Variants in PLEKHD1 observed in about 807,000 individuals in gnomAD.
The protein encoded by PLEKHD1 is pleckstrin homology domain-containing family D member 1.
In PLEKHD1, 51 loss-of-function variants were observed where a neutral mutation model predicts 69.2. That is an observed-to-expected ratio of 0.74 (90% CI 0.59 to 0.93). The LOEUF is 0.93. PLEKHD1 is among the 40% of genes least tolerant of loss of function. The probability of loss-of-function intolerance (pLI) is 0.00; values close to 1 mark genes in which losing one functional copy is unlikely to be tolerated. For synonymous variants in PLEKHD1, 236 were observed against 244.7 expected (o/e 0.96, Z 0.33); for missense variants, 584 against 641.0 (o/e 0.91, Z 0.96).
In PLEKHD1 at chr14:69,528,492, C is replaced by T; in HGVS notation, c.*73C>T. The T allele has an allele frequency of 3.4e-6, 5 of 1,489,454 alleles. No individual in the cohort carries two copies. Among genetic ancestry groups the T allele is most frequent in the Non-Finnish European group, 4.5e-6 (5 of 1,114,436 alleles). 92.3% of individuals were successfully genotyped at this position (1,489,454 alleles called of 1,614,324 possible). A position where few individuals can be genotyped will look rare whatever the true frequency, so the allele number is the denominator to read the frequency against. ...AGGGGAAGGGGTGGCAGAGGGAGGC[C>T]TCACTCTACCAGCTCCTGGCCTCTC... is the stretch of plus-strand genomic sequence containing the variant. On this transcript the variant is annotated 3_prime_UTR_variant, in exon 13 of 13. Coordinates refer to ENST00000322564, the MANE Select transcript of PLEKHD1 (RefSeq NM_001161498.2).
At chr14:69,478,214 C>T in the PLEKHD1 span, among the ~76,000 whole-genome samples, 16 of 152,356 alleles carry the variant, frequency 1.1e-4, no homozygotes, top group African/African-American at 3.8e-4. Context: ...CCCTTTCAGC[C>T]CTGGCTGGAG....
Position 69,528,302 on chromosome 14 carries a change from G to A in PLEKHD1, c.1404G>A (p.Glu468=). Residue 468 remains glutamate, a synonymous_variant, in exon 13 of 13, where the codon GAG becomes GAA. Coordinates refer to ENST00000322564, the MANE Select transcript of PLEKHD1 (RefSeq NM_001161498.2). ...MTSQLDANNM[E]ELKEVAKRLS... ...CCCAGCTGGATGCCAACAACATGGA[G>A]GAGCTAAAGGAGGTGGCCAAGCGGC... 1 of 1,551,760 alleles carries A rather than the reference G, an allele frequency of 6.4e-7. No homozygotes were observed. The highest frequency in any genetic ancestry group is 8.7e-7 in the Non-Finnish European group (1 of 1,147,006).
chr14:69,513,053 A>G (rs114149776), intron 6 of PLEKHD1, among the ~76,000 whole-genome samples: 3,121 of 151,898 alleles, frequency 0.021, 108 homozygotes, highest in African/African-American at 0.071. Context: ...ACTGCACTTC[A>G]GCCTGGATGA....
Position 69,527,396 on chromosome 14 carries a change from C to T in PLEKHD1, c.1201+64C>T, listed in dbSNP as rs184884473. ...ACTCAGCCCCAGATGGGATCCCGGCCCTGTAGAGCCAGGAAACCCACACAG... is the reference window on the plus strand; with the variant it reads ...ACTCAGCCCCAGATGGGATCCCGGCTCTGTAGAGCCAGGAAACCCACACAG... On this transcript the variant is annotated intron_variant, in intron 11 of 12. Coordinates refer to ENST00000322564, the MANE Select transcript of PLEKHD1 (RefSeq NM_001161498.2). The T allele has an allele frequency of 8.0e-5, 124 of 1,544,258 alleles. No individual in the cohort carries two copies. In the East Asian group the frequency reaches 2.9e-3, roughly 36 times the overall value.
chr14:69,518,966 G>A (rs1384918129), intron 6 of PLEKHD1, among the ~76,000 whole-genome samples: 1 of 152,072 alleles, frequency 6.6e-6, no homozygotes, highest in Non-Finnish European at 1.5e-5. Flanking sequence ...TTTGGTGACA[G>A]GGACATGCAG....
intron 6 of PLEKHD1, among the ~76,000 whole-genome samples, chr14:69,509,597 T>TC (rs1226740396): frequency 6.6e-6 from 1 of 152,154 alleles, no homozygotes; most frequent in Admixed American, 6.6e-5. Flanking sequence ...GTCTTTTTTT[T>TC]TTCTTTTGCA....
chr14:69,525,158 T>C (rs1883614369), intron 8 of PLEKHD1, among the ~76,000 whole-genome samples: 2 of 152,160 alleles, frequency 1.3e-5, no homozygotes, highest in African/African-American at 4.8e-5. Flanking sequence ...CTTAACATGC[T>C]AGGTGTGTTT....
At chr14:69,524,437 A>C in intron 8 of PLEKHD1, 115 bp downstream of exon 8, 1 of 877,508 alleles carries the variant, frequency 1.1e-6, no homozygotes, top group Non-Finnish European at 1.8e-6. Context: ...AGAAATGGGC[A>C]TGGAGGGGTG....
chr14:69,500,416 C>T (rs1298287904), intron 2 of PLEKHD1, 161 bp from the exon 3 acceptor site: 7 of 699,610 alleles, frequency 1.0e-5, no homozygotes, highest in Middle Eastern at 3.9e-4. Context: ...AACCCTTCCT[C>T]TTCTCTCTGA....
chr14:69,476,323 A>C, the PLEKHD1 span, among the ~76,000 whole-genome samples: 1 of 151,738 alleles, frequency 6.6e-6, no homozygotes, highest in Non-Finnish European at 1.5e-5. Flanking sequence ...TAATCCCAGC[A>C]ACAGGAGGAT....
the PLEKHD1 span, among the ~76,000 whole-genome samples, chr14:69,469,997 C>T: frequency 6.6e-6 from 1 of 151,832 alleles, no homozygotes; most frequent in South Asian, 2.1e-4. Flanking sequence ...GCTGGGATTA[C>T]AGGCGTGAGC....
chr14:69,489,693 C>T lies in PLEKHD1; in HGVS notation c.149+4579C>T, dbSNP rs115383813. Among the ~76,000 whole-genome samples, 810 of 151,900 alleles carry T rather than the reference C, an allele frequency of 5.3e-3. 3 individuals are homozygous for T. Among genetic ancestry groups the T allele is most frequent in the Middle Eastern group, 0.014 (4 of 290 alleles). The stretch of plus-strand genomic sequence containing the variant: ...AGGCTGTGGCATTTCACCCCACTGG[C>T]CAGCAGTGTCTCATCTATAGAGTGG... On this transcript the variant is annotated intron_variant, in intron 1 of 12. Coordinates refer to ENST00000322564, the MANE Select transcript of PLEKHD1 (RefSeq NM_001161498.2).
upstream of PLEKHD1, among the ~76,000 whole-genome samples, chr14:69,482,314 C>T (rs564508725): frequency 6.6e-6 from 1 of 152,312 alleles, no homozygotes; most frequent in South Asian, 2.1e-4. Flanking sequence ...TTTCTCTGGC[C>T]CACATGGCTC....
intron 6 of PLEKHD1, among the ~76,000 whole-genome samples, chr14:69,521,188 G>T (rs1469824149): frequency 6.6e-6 from 1 of 152,172 alleles, no homozygotes; most frequent in Non-Finnish European, 1.5e-5. Context: ...AGTCTTGGTG[G>T]TGACAACAAT....
intron 1 of PLEKHD1, among the ~76,000 whole-genome samples, chr14:69,496,100 A>G (rs1471323456): frequency 6.6e-6 from 1 of 152,168 alleles, no homozygotes; most frequent in Admixed American, 6.6e-5. Context: ...CCCGCATTTT[A>G]TAGAGGAAGA....
upstream of PLEKHD1, among the ~76,000 whole-genome samples, chr14:69,479,807 G>A (rs1411237000): frequency 6.6e-6 from 1 of 152,066 alleles, no homozygotes; most frequent in Non-Finnish European, 1.5e-5. Flanking sequence ...CTAGAAGCAG[G>A]TGACCAATCT....
intron 6 of PLEKHD1, among the ~76,000 whole-genome samples, chr14:69,512,242 C>A (rs555984419): frequency 6.6e-4 from 100 of 151,210 alleles, no homozygotes; most frequent in Non-Finnish European, 1.0e-3. Context: ...TAGTTATGTT[C>A]CCTCTTTCAT....
the PLEKHD1 span, among the ~76,000 whole-genome samples, chr14:69,469,791 G>T: frequency 6.6e-6 from 1 of 151,808 alleles, no homozygotes; most frequent in Non-Finnish European, 1.5e-5. Flanking sequence ...GCATGATCTC[G>T]GCTCACTGCA....
the PLEKHD1 span, among the ~76,000 whole-genome samples, chr14:69,470,432 C>T: frequency 1.5e-4 from 22 of 148,768 alleles, no homozygotes; most frequent in Non-Finnish European, 3.0e-4. Flanking sequence ...CACTGCACTC[C>T]AGCCTGGGTG....
Sources: gnomAD v4.1 joint callset for allele counts (sites outside exome capture counted in the v4.1 genomes callset) on GRCh38, gnomAD v4.1.1 for gene constraint, MANE v1.5 for transcripts, NCBI Gene and HGNC (gene_info 2026-07-23, HGNC 2026-07-21) for gene names.